The following INPP5D variants were observed in gnomAD, a reference collection of about 807,000 sequenced individuals.
INPP5D encodes inositol polyphosphate-5-phosphatase D, also known as phosphatidylinositol 3,4,5-trisphosphate 5-phosphatase 1.
In INPP5D, 33 loss-of-function variants were observed where a neutral mutation model predicts 122.9. The ratio of observed to expected loss-of-function variants is 0.27; its 90% confidence interval spans 0.20 to 0.36. The LOEUF (loss-of-function observed/expected upper bound fraction) is 0.36, where lower values mean the gene tolerates loss of function less well. INPP5D is among the 10% of genes least tolerant of loss of function. INPP5D has a pLI of 1.00. For synonymous variants in INPP5D, 584 were observed against 576.2 expected (o/e 1.01, Z -0.19); for missense variants, 1,053 against 1,412.7 (o/e 0.75, Z 4.08).
chr2:233,158,887 C>T (rs987586052), intron 10 of INPP5D, among the ~76,000 whole-genome samples: 6 of 152,100 alleles, frequency 3.9e-5, no homozygotes, highest in Admixed American at 6.5e-5. Flanking sequence ...CAAGGGATCC[C>T]CCCACCCACC....
intron 2 of INPP5D, among the ~76,000 whole-genome samples, chr2:233,097,956 G>A (rs979538999): frequency 6.6e-6 from 1 of 151,390 alleles, no homozygotes; most frequent in African/African-American, 2.4e-5. Flanking sequence ...GCGCGATCTC[G>A]GTCACTGCAA....
chr2:233,202,162 C>G (rs1209259874), intron 25 of INPP5D, among the ~76,000 whole-genome samples: 1 of 152,084 alleles, frequency 6.6e-6, no homozygotes, highest in African/African-American at 2.4e-5. Flanking sequence ...AGTCAGCCCC[C>G]TCCTCCCATC....
In INPP5D at chr2:233,165,567, TC is replaced by T. The variant is rs544468727; in HGVS notation, c.1555+1145del. ...GTGTGTGAGTGTCTATGTGTGTGTG[TC>T]CATGCATGTGTGTTTGTGAGTGTGT... On this transcript the variant is annotated intron_variant, in intron 13 of 26. Transcript: ENST00000445964. Among the ~76,000 whole-genome samples the T allele has an allele frequency of 1.9e-3, 286 of 152,106 alleles. 1 individual carries two copies. Among genetic ancestry groups the T allele is most frequent in the Non-Finnish European group, 3.5e-3 (238 of 67,978 alleles).
chr2:233,176,138 A>G (rs1435006454), intron 17 of INPP5D, among the ~76,000 whole-genome samples: 4 of 152,208 alleles, frequency 2.6e-5, no homozygotes, highest in Non-Finnish European at 5.9e-5. Flanking sequence ...GATATTGATA[A>G]AAGAGGGTTG....
chr2:233,167,824 G>A (rs1446040420), intron 13 of INPP5D, among the ~76,000 whole-genome samples: 2 of 152,072 alleles, frequency 1.3e-5, no homozygotes, highest in African/African-American at 4.8e-5. Context: ...GGGCAACACG[G>A]TGAAACCTCG....
intron 2 of INPP5D, among the ~76,000 whole-genome samples, chr2:233,086,153 CTT>C (rs759325861): frequency 6.9e-6 from 1 of 144,802 alleles, no homozygotes; most frequent in Non-Finnish European, 1.5e-5. Flanking sequence ...TTCTTTCTTT[CTT>C]TCTTTCTTTC....
At chr2:233,090,897 G>A (rs1273835767) in intron 2 of INPP5D, among the ~76,000 whole-genome samples, 1 of 151,808 alleles carries the variant, frequency 6.6e-6, no homozygotes, top group African/African-American at 2.4e-5. Context: ...GGCAGAGGCT[G>A]TAGTGAGCTG....
Position 233,164,940 on chromosome 2 carries a change from G to A in INPP5D, c.1555+516G>A, listed in dbSNP as rs149130511. Reference sequence around the variant, plus strand: ...TGAGACCTTCCTTACAAGCACAGGCGGGAGGTGGCTGGCCCCTGCCCTCGG... The same window carrying A: ...TGAGACCTTCCTTACAAGCACAGGCAGGAGGTGGCTGGCCCCTGCCCTCGG... On this transcript the variant is annotated intron_variant, in intron 13 of 26. Coordinates refer to ENST00000445964, the MANE Select transcript of INPP5D (RefSeq NM_001017915.3). The surrounding 1 kb of genome is among the most constrained non-coding windows in gnomAD (Gnocchi z 4.3). Among the ~76,000 whole-genome samples, 1,522 of 152,284 alleles carry A rather than the reference G, an allele frequency of 1.0e-2. 5 individuals carry two copies. The highest frequency in any genetic ancestry group is 0.012 in the African/African-American group (485 of 41,542).
At chr2:233,157,527 T>C (rs36131975) in intron 9 of INPP5D, among the ~76,000 whole-genome samples, 25,491 of 152,152 alleles carry the variant, frequency 0.17, 3,866 homozygotes, top group African/African-American at 0.4. Flanking sequence ...AATAGCATTT[T>C]GATAATCAGA....
chr2:233,148,778 T>G (rs979157544), intron 9 of INPP5D, among the ~76,000 whole-genome samples: 1 of 151,868 alleles, frequency 6.6e-6, no homozygotes, highest in African/African-American at 2.4e-5. Flanking sequence ...ATCCCAACCT[T>G]CACACAACAG....
chr2:233,144,438 T>C (rs1693698105), intron 6 of INPP5D, among the ~76,000 whole-genome samples: 1 of 141,708 alleles, frequency 7.1e-6, no homozygotes, highest in African/African-American at 2.7e-5. Context: ...ATGGTGAGGG[T>C]GAAGGTGGTG....
chr2:233,179,716 G>C (rs572287609), intron 18 of INPP5D, among the ~76,000 whole-genome samples: 1 of 152,204 alleles, frequency 6.6e-6, no homozygotes, highest in African/African-American at 2.4e-5. Flanking sequence ...AGAGGGCTCA[G>C]TAGAAGCGTT....
At chr2:233,137,856 AT>A (rs1693520254) in intron 5 of INPP5D, among the ~76,000 whole-genome samples, 8 of 14,376 alleles carry the variant, frequency 5.6e-4, no homozygotes, top group Admixed American at 1.4e-3. Flanking sequence ...AAAAAAAAAT[AT>A]ATATATATAT....
intron 4 of INPP5D, among the ~76,000 whole-genome samples, chr2:233,126,793 G>A (rs1018142481): frequency 6.6e-6 from 1 of 151,978 alleles, no homozygotes; most frequent in African/African-American, 2.4e-5. Context: ...GGTGGCGGGC[G>A]CCTATAATCC....
At chr2:233,065,307 G>GTTTTTT (rs376982879) in intron 1 of INPP5D, among the ~76,000 whole-genome samples, 4 of 116,970 alleles carry the variant, frequency 3.4e-5, no homozygotes, top group Non-Finnish European at 5.0e-5. Flanking sequence ...CACTTCTTGG[G>GTTTTTT]TTTTTTTTTT....
At chr2:233,098,335 C>CACCG (rs1692205599) in intron 2 of INPP5D, among the ~76,000 whole-genome samples, 1 of 152,188 alleles carries the variant, frequency 6.6e-6, no homozygotes, top group Non-Finnish European at 1.5e-5. Flanking sequence ...TGGATAGGAG[C>CACCG]TGGAAAACTT....
At chr2:233,203,345 C>T (rs1368158653) in intron 25 of INPP5D, among the ~76,000 whole-genome samples, 2 of 152,146 alleles carry the variant, frequency 1.3e-5, no homozygotes, top group African/African-American at 2.4e-5. Flanking sequence ...AGAGCAGGCT[C>T]ATCTGATGAG....
At chr2:233,091,607 C>T (rs1020868191) in intron 2 of INPP5D, among the ~76,000 whole-genome samples, 1 of 152,214 alleles carries the variant, frequency 6.6e-6, no homozygotes, top group Non-Finnish European at 1.5e-5. Flanking sequence ...CTGCCTCCCT[C>T]TTCCCCTTAT....
At chr2:233,087,997 A>G (rs1325957144) in intron 2 of INPP5D, among the ~76,000 whole-genome samples, 1 of 151,436 alleles carries the variant, frequency 6.6e-6, no homozygotes, top group Non-Finnish European at 1.5e-5. Flanking sequence ...TTTTCTTGAG[A>G]CAGTGTCTCG....
Sources: gnomAD v4.1 joint callset for allele counts (sites outside exome capture counted in the v4.1 genomes callset) on GRCh38, gnomAD v4.1.1 for gene constraint, Gnocchi (gnomAD v3.1) non-coding constraint, MANE v1.5 for transcripts, NCBI Gene and HGNC (gene_info 2026-07-23, HGNC 2026-07-21) for gene names.